XKR9: variants seen among roughly 807,000 people sequenced by gnomAD.
The protein encoded by XKR9 is XK-related protein 9.
XKR9 carries 32 observed loss-of-function variants against 32.0 expected under a neutral mutation model. The observed-to-expected ratio is 1.00, with a 90% CI of 0.76 to 1.34. The LOEUF is 1.34. Ranked by LOEUF, XKR9 falls within the 40% of genes most tolerant of loss-of-function variation. The pLI is 0.00. For synonymous variants in XKR9, 168 were observed against 143.4 expected, an observed-to-expected ratio of 1.17 and a Z score of -1.22; for missense variants, 546 against 429.7, an observed-to-expected ratio of 1.27 and a Z score of -2.39.
At chr8:70,864,051 T>C in the XKR9 span, among the ~76,000 whole-genome samples, 1 of 152,188 alleles carries the variant, frequency 6.6e-6, no homozygotes, top group African/African-American at 2.4e-5. Flanking sequence ...ACTTACACTT[T>C]AGCTTTGTTT....
chr8:70,783,514 A>G (rs1259461354), intron 2 of XKR9, among the ~76,000 whole-genome samples: 1 of 152,080 alleles, frequency 6.6e-6, no homozygotes, highest in Non-Finnish European at 1.5e-5. Flanking sequence ...GAGAAAGTCT[A>G]TTTAGGCCCC....
intron 3 of XKR9, among the ~76,000 whole-genome samples, chr8:70,699,241 A>G (rs1475957504): frequency 6.6e-6 from 1 of 152,062 alleles, no homozygotes; most frequent in African/African-American, 2.4e-5. Flanking sequence ...TTAGCTGTTT[A>G]TTTTGCTCAT....
chr8:70,762,390 G>A (rs1203456111), intron 2 of XKR9, among the ~76,000 whole-genome samples: 2 of 152,172 alleles, frequency 1.3e-5, no homozygotes, highest in Non-Finnish European at 2.9e-5. Context: ...TGCACAGTAG[G>A]ATGTGAGCAG....
the XKR9 span, among the ~76,000 whole-genome samples, chr8:70,936,069 T>G: frequency 1.3e-5 from 2 of 152,004 alleles, no homozygotes; most frequent in East Asian, 3.9e-4. Context: ...GAGATGCTCT[T>G]TACTCAATCA....
At chr8:70,683,406 ATT>A in intron 3 of XKR9, 1 of 350,758 alleles carries the variant, frequency 2.9e-6, no homozygotes, top group South Asian at 2.1e-5. Flanking sequence ...ATTCTACTGA[ATT>A]TTGTTTATGT....
At chr8:70,742,218 C>T (rs1806997364) in intron 2 of XKR9, among the ~76,000 whole-genome samples, 1 of 152,186 alleles carries the variant, frequency 6.6e-6, no homozygotes, top group Admixed American at 6.5e-5. Flanking sequence ...GGCAAAAACT[C>T]AGTAATATGT....
chr8:70,993,352 T>G, the XKR9 span, among the ~76,000 whole-genome samples: 62,066 of 151,940 alleles, frequency 0.41, 14,224 homozygotes, highest in Admixed American at 0.55. Context: ...TTCTTGTTAT[T>G]AGGTTTTTCC....
the XKR9 span, among the ~76,000 whole-genome samples, chr8:71,064,433 T>TTA: frequency 6.6e-6 from 1 of 152,208 alleles, no homozygotes; most frequent in African/African-American, 2.4e-5. Context: ...ATCTAGAAAT[T>TTA]TATATCATTG....
chr8:70,813,298 T>C, the XKR9 span, among the ~76,000 whole-genome samples: 1 of 152,198 alleles, frequency 6.6e-6, no homozygotes, highest in Non-Finnish European at 1.5e-5. Context: ...TAATTCAAGA[T>C]GGATTAAAGA....
the XKR9 span, among the ~76,000 whole-genome samples, chr8:70,911,238 T>C: frequency 1.3e-5 from 2 of 152,210 alleles, no homozygotes; most frequent in Non-Finnish European, 2.9e-5. Context: ...ACTTGATCTT[T>C]AAGGAAAGGT....
intron 4 of XKR9, among the ~76,000 whole-genome samples, chr8:70,732,994 T>C (rs1806722697): frequency 1.3e-5 from 2 of 152,136 alleles, no homozygotes; most frequent in South Asian, 4.1e-4. Flanking sequence ...GGCATGGGCC[T>C]GTAGCCCAGC....
At chr8:70,878,131 G>A in the XKR9 span, among the ~76,000 whole-genome samples, 2 of 152,152 alleles carry the variant, frequency 1.3e-5, no homozygotes, top group East Asian at 3.8e-4. Flanking sequence ...TCACCACCAG[G>A]CCTGCCTTAC....
At chr8:70,872,970 C>T in the XKR9 span, among the ~76,000 whole-genome samples, 1 of 152,104 alleles carries the variant, frequency 6.6e-6, no homozygotes, top group East Asian at 1.9e-4. Context: ...ACAGCTGGTA[C>T]TTAGGTTGAA....
intron 2 of XKR9, among the ~76,000 whole-genome samples, chr8:70,744,669 G>A (rs559085883): frequency 1.7e-4 from 26 of 152,264 alleles, no homozygotes; most frequent in South Asian, 1.2e-3. Context: ...GCAGTGGTGC[G>A]ATCGTGGCTC....
At chr8:71,014,200 C>G in the XKR9 span, among the ~76,000 whole-genome samples, 2 of 152,186 alleles carry the variant, frequency 1.3e-5, no homozygotes, top group African/African-American at 4.8e-5. Context: ...TAAACCTATT[C>G]TTGGTTGAAA....
chr8:70,836,735 G>A, the XKR9 span, among the ~76,000 whole-genome samples: 2 of 151,880 alleles, frequency 1.3e-5, no homozygotes, highest in African/African-American at 4.8e-5. Flanking sequence ...GAATTGCTGG[G>A]TAATGTATAT....
chr8:70,987,428 A>C, the XKR9 span, among the ~76,000 whole-genome samples: 5 of 152,222 alleles, frequency 3.3e-5, no homozygotes, highest in Non-Finnish European at 5.9e-5. Context: ...GCCAAAACAA[A>C]GGGGCTATAG....
chr8:70,702,319 A>G (rs1293942504), intron 3 of XKR9, among the ~76,000 whole-genome samples: 1 of 152,072 alleles, frequency 6.6e-6, no homozygotes, highest in Non-Finnish European at 1.5e-5. Flanking sequence ...TTTTGCCTTT[A>G]TTAAGACTTG....
At chr8:70,944,911 T>C in the XKR9 span, among the ~76,000 whole-genome samples, 2 of 152,216 alleles carry the variant, frequency 1.3e-5, no homozygotes, top group African/African-American at 2.4e-5. Flanking sequence ...AAAGAGGTTC[T>C]CTAATACTGC....
Sources: allele counts gnomAD v4.1 joint callset (sites outside exome capture counted in the v4.1 genomes callset), GRCh38; gene constraint gnomAD v4.1.1; transcripts MANE v1.5; gene names NCBI Gene and HGNC (gene_info 2026-07-23, HGNC 2026-07-21).